The following STOX2 variants were observed in gnomAD, a reference collection of about 807,000 sequenced individuals.
STOX2 encodes storkhead box 2.
In STOX2, 28 loss-of-function variants were observed where a neutral mutation model predicts 60.9. The observed-to-expected ratio is 0.46, with a 90% CI of 0.34 to 0.63. The LOEUF is 0.63. STOX2 is among the 30% of genes least tolerant of loss of function. The probability of loss-of-function intolerance (pLI) is 0.01; values close to 1 mark genes in which losing one functional copy is unlikely to be tolerated. For missense variants in STOX2, 1,024 were observed against 1,187.7 expected (o/e 0.86, Z 2.03); for synonymous variants, 472 against 463.9 (o/e 1.02, Z -0.22).
chr4:183,844,175 T>C (rs898951640), intron 1 of STOX2, among the ~76,000 whole-genome samples: 13 of 152,220 alleles, frequency 8.5e-5, no homozygotes, highest in African/African-American at 2.4e-4. Flanking sequence ...TGCAAGTAGA[T>C]ATGAGGATGG....
At chr4:183,883,587 A>G (rs987997828) in intron 1 of STOX2, among the ~76,000 whole-genome samples, 1 of 152,162 alleles carries the variant, frequency 6.6e-6, no homozygotes, top group African/African-American at 2.4e-5. Flanking sequence ...AAGTGCTGGG[A>G]TTACAGGTGT....
chr4:183,843,152 AAAAAAAAAAAAG>A (rs1739906123), intron 1 of STOX2, among the ~76,000 whole-genome samples: 1 of 151,366 alleles, frequency 6.6e-6, no homozygotes, highest in South Asian at 2.1e-4. Flanking sequence ...CATCTCAAAA[AAAAAAAAAAAAG>A]AAAAAGAAAA....
At chr4:183,915,224 G>T (rs1045732459) in intron 1 of STOX2, among the ~76,000 whole-genome samples, 4 of 152,170 alleles carry the variant, frequency 2.6e-5, no homozygotes, top group Admixed American at 6.5e-5. Flanking sequence ...TCTGATGGCC[G>T]TAGTTTCAGA....
At chr4:183,915,705 A>G (rs1741912434) in intron 1 of STOX2, among the ~76,000 whole-genome samples, 1 of 152,198 alleles carries the variant, frequency 6.6e-6, no homozygotes, top group African/African-American at 2.4e-5. Context: ...ATGTGACGAG[A>G]GAGGCAGAGA....
At chr4:183,907,166 A>C (rs1185731397) in intron 1 of STOX2, among the ~76,000 whole-genome samples, 1 of 152,100 alleles carries the variant, frequency 6.6e-6, no homozygotes, top group Non-Finnish European at 1.5e-5. Context: ...GCTATTAGTT[A>C]GGTAAAACGA....
intron 1 of STOX2, among the ~76,000 whole-genome samples, chr4:183,827,509 T>TAAA (rs375186608): frequency 0.026 from 3,968 of 151,038 alleles, 170 homozygotes; most frequent in African/African-American, 0.091. Flanking sequence ...AAAATAAAAA[T>TAAA]AAAAAAACAA....
intron 1 of STOX2, among the ~76,000 whole-genome samples, chr4:183,990,091 T>A (rs985136735): frequency 2.0e-5 from 3 of 152,234 alleles, no homozygotes; most frequent in Admixed American, 1.3e-4. Context: ...TCTTTCTGCA[T>A]AGCAGTTTGC....
chr4:183,909,798 A>T (rs1329264869), intron 1 of STOX2, among the ~76,000 whole-genome samples: 1 of 152,232 alleles, frequency 6.6e-6, no homozygotes, highest in East Asian at 1.9e-4. Flanking sequence ...TCTTTTCTCC[A>T]CGAATAAGTA....
chr4:183,908,193 G>A (rs1428814249), intron 1 of STOX2, among the ~76,000 whole-genome samples: 1 of 152,146 alleles, frequency 6.6e-6, no homozygotes, highest in East Asian at 1.9e-4. Context: ...GTACTATTTT[G>A]GCAATAAGGC....
At chr4:183,965,974 A>T (rs553901263) in intron 1 of STOX2, among the ~76,000 whole-genome samples, 1 of 151,314 alleles carries the variant, frequency 6.6e-6, no homozygotes, top group East Asian at 2.0e-4. Flanking sequence ...GATTTATGGG[A>T]TAGAGTGAAC....
chr4:183,907,208 C>T (rs972439305), intron 1 of STOX2, among the ~76,000 whole-genome samples: 13 of 152,038 alleles, frequency 8.6e-5, no homozygotes, highest in Admixed American at 7.2e-4. Context: ...GTTTTGGCTG[C>T]AGGGAGATAA....
At chr4:183,878,738 A>G (rs1740885841) in intron 1 of STOX2, among the ~76,000 whole-genome samples, 1 of 152,254 alleles carries the variant, frequency 6.6e-6, no homozygotes, top group Admixed American at 6.5e-5. Flanking sequence ...TATTGTCATC[A>G]TTAGACTTCA....
intron 3 of STOX2, chr4:184,013,965 T>C (rs747025778): frequency 1.3e-5 from 2 of 152,022 alleles, no homozygotes; most frequent in Non-Finnish European, 2.9e-5. Context: ...TTTAAAAAAA[T>C]TTTTGTAGAT....
At chr4:183,909,529 T>G (rs12647459) in intron 1 of STOX2, among the ~76,000 whole-genome samples, 56,248 of 151,988 alleles carry the variant, frequency 0.37, 10,619 homozygotes, top group East Asian at 0.45. Flanking sequence ...AGATAAGCCT[T>G]TCAGAGATGT....
chr4:183,938,805 A>G (rs1448437750), intron 1 of STOX2, among the ~76,000 whole-genome samples: 1 of 151,812 alleles, frequency 6.6e-6, no homozygotes, highest in East Asian at 1.9e-4. Context: ...TAATTTCAGG[A>G]TGATTGTTTT....
intron 1 of STOX2, among the ~76,000 whole-genome samples, chr4:183,814,017 T>C (rs11947283): frequency 6.6e-6 from 1 of 152,208 alleles, no homozygotes; most frequent in African/African-American, 2.4e-5. Context: ...ATATTTGTAA[T>C]ATTGTCTTAG....
chr4:183,823,351 G>A (rs958858573), intron 1 of STOX2, among the ~76,000 whole-genome samples: 1 of 152,204 alleles, frequency 6.6e-6, no homozygotes, highest in Non-Finnish European at 1.5e-5. Flanking sequence ...AGCTGAGAAT[G>A]TGCCACTGCA....
rs1158733423 is a variant in STOX2, at chr4:184,011,187, G to A, written c.2349G>A (p.Glu783=). 2 of 1,595,904 alleles carry A rather than the reference G, an allele frequency of 1.3e-6. No homozygotes were observed. Among genetic ancestry groups the A allele is most frequent in the Non-Finnish European group, 8.5e-7 (1 of 1,172,516 alleles). The change falls in exon 3 of 4, where the codon GAG becomes GAA. Residue 783 remains glutamate, a synonymous_variant. Coordinates refer to ENST00000308497, the MANE Select transcript of STOX2 (RefSeq NM_020225.3). The surrounding 1 kb of genome is among the most constrained non-coding windows in gnomAD (Gnocchi z 4.4). ...ACGTCTCTGATGATGACGACTCTGA[G>A]GAAGGGGCAAACAAGAACACAGAGG... The part of the protein sequence containing the change: ...YYNVSDDDDS[E]EGANKNTEEE...
At chr4:183,877,699 G>A (rs1740862738) in intron 1 of STOX2, among the ~76,000 whole-genome samples, 1 of 152,086 alleles carries the variant, frequency 6.6e-6, no homozygotes, top group African/African-American at 2.4e-5. Context: ...CTGTGTTTTT[G>A]AGAAGGAATC....
Sources: gnomAD v4.1 joint callset for allele counts (sites outside exome capture counted in the v4.1 genomes callset) on GRCh38, gnomAD v4.1.1 for gene constraint, Gnocchi (gnomAD v3.1) non-coding constraint, MANE v1.5 for transcripts, NCBI Gene and HGNC (gene_info 2026-07-23, HGNC 2026-07-21) for gene names.